Variants in P2RY8 observed in about 807,000 individuals in gnomAD.
P2RY8 encodes the protein P2Y receptor family member 8.
P2RY8 carries 6 observed loss-of-function variants against 10.0 expected under a neutral mutation model. The observed-to-expected ratio is 0.60, with a 90% CI of 0.33 to 1.19. The LOEUF (loss-of-function observed/expected upper bound fraction) is 1.19, where lower values mean the gene tolerates loss of function less well. Among genes scored for constraint, P2RY8 ranks in the 50% most tolerant of loss-of-function variants. P2RY8 has a pLI of 0.04. For synonymous variants in P2RY8, 276 were observed against 252.5 expected (o/e 1.09, Z -0.88); for missense variants, 456 against 542.0 (o/e 0.84, Z 1.58).
intron 1 of P2RY8, among the ~76,000 whole-genome samples, chrX:1,516,412 C>T (rs1231807888): frequency 6.6e-6 from 1 of 151,880 alleles, no homozygotes; most frequent in Non-Finnish European, 1.5e-5. Flanking sequence ...ACACCTGGAT[C>T]TCAGACTTCC....
chrX:1,512,051 G>T (rs1246781319), intron 1 of P2RY8, among the ~76,000 whole-genome samples: 1 of 151,974 alleles, frequency 6.6e-6, no homozygotes, highest in Non-Finnish European at 1.5e-5. Context: ...TGTAAGCAAA[G>T]AGAAGAGGCT....
At chrX:1,499,890 G>A (rs1222617997) in intron 1 of P2RY8, among the ~76,000 whole-genome samples, 7 of 151,536 alleles carry the variant, frequency 4.6e-5, no homozygotes, top group African/African-American at 1.5e-4. Flanking sequence ...ACGGAGTCTC[G>A]CTCTGTGGCC....
chrX:1,527,639 C>A (rs1401026546), intron 1 of P2RY8, among the ~76,000 whole-genome samples: 2 of 152,008 alleles, frequency 1.3e-5, no homozygotes, highest in Non-Finnish European at 2.9e-5. Context: ...CTCATTCATT[C>A]ATCCATCCAA....
At chrX:1,488,706 C>T (rs772276934) in intron 1 of P2RY8, among the ~76,000 whole-genome samples, 31 of 151,504 alleles carry the variant, frequency 2.0e-4, no homozygotes, top group Admixed American at 1.3e-3. Context: ...TAGAGCTGTG[C>T]ACCCAGGATG....
intron 1 of P2RY8, among the ~76,000 whole-genome samples, chrX:1,507,915 C>G (rs2092249993): frequency 6.6e-6 from 1 of 152,160 alleles, no homozygotes; most frequent in African/African-American, 2.4e-5. Flanking sequence ...GTCTGGCACT[C>G]AACACACACC....
intron 1 of P2RY8, among the ~76,000 whole-genome samples, chrX:1,516,869 C>T (rs1171727739): frequency 6.6e-6 from 1 of 151,580 alleles, no homozygotes; most frequent in African/African-American, 2.4e-5. Flanking sequence ...CCAGCCCTGC[C>T]CGTTCGCTGA....
At chrX:1,510,064 A>G (rs1183941191) in intron 1 of P2RY8, among the ~76,000 whole-genome samples, 3 of 151,766 alleles carry the variant, frequency 2.0e-5, no homozygotes, top group African/African-American at 7.3e-5. Context: ...CTATCTATCT[A>G]TCTCATCTAT....
chrX:1,479,451 T>G (rs1308056310), intron 1 of P2RY8, among the ~76,000 whole-genome samples: 1 of 152,218 alleles, frequency 6.6e-6, no homozygotes, highest in Admixed American at 6.5e-5. Context: ...ATCTGCTGAT[T>G]TGAAGGGTTT....
chrX:1,517,909 G>A (rs1374730022), intron 1 of P2RY8, among the ~76,000 whole-genome samples: 6 of 151,830 alleles, frequency 4.0e-5, no homozygotes, highest in Admixed American at 3.3e-4. Context: ...AGGAGTTCGA[G>A]ACCAGCCTGG....
At chrX:1,524,099 C>G (rs2092412051) in intron 1 of P2RY8, among the ~76,000 whole-genome samples, 1 of 152,154 alleles carries the variant, frequency 6.6e-6, no homozygotes, top group Non-Finnish European at 1.5e-5. Flanking sequence ...GTCTACACGT[C>G]TCCCCGTAAC....
chrX:1,535,216 C>T (rs1185105776), intron 1 of P2RY8, among the ~76,000 whole-genome samples: 2 of 98,570 alleles, frequency 2.0e-5, no homozygotes, highest in Admixed American at 1.6e-4. Context: ...GAGACAGAGT[C>T]TCACTCTGTC....
intron 1 of P2RY8, among the ~76,000 whole-genome samples, chrX:1,474,878 GTGGATGGA>G (rs1179994281): frequency 3.8e-5 from 5 of 133,194 alleles, no homozygotes; most frequent in African/African-American, 1.2e-4. Flanking sequence ...GTATGGGTGT[GTGGATGGA>G]TGGATGGATG....
At chrX:1,484,497 C>T (rs28461817) in intron 1 of P2RY8, among the ~76,000 whole-genome samples, 12,628 of 151,686 alleles carry the variant, frequency 0.083, 1,499 homozygotes, top group African/African-American at 0.27. Flanking sequence ...GAGGCTGAGG[C>T]GGGCGGATCA....
chrX:1,511,269 A>G (rs768971869), intron 1 of P2RY8, among the ~76,000 whole-genome samples: 1 of 152,340 alleles, frequency 6.6e-6, no homozygotes, highest in South Asian at 2.1e-4. Flanking sequence ...TCTACCCCCA[A>G]GTGAATGTGG....
intron 1 of P2RY8, among the ~76,000 whole-genome samples, chrX:1,502,035 T>C (rs762651878): frequency 9.9e-5 from 15 of 152,242 alleles, no homozygotes; most frequent in Admixed American, 7.8e-4. Context: ...CTCGGCCTCT[T>C]GAATATCTGG....
chrX:1,466,305 T>C lies in P2RY8; in HGVS notation c.254A>G (p.Asn85Ser), dbSNP rs1324032360. The change falls in exon 2 of 2, where the codon AAC becomes AGC. Residue 85 changes from asparagine (N) to serine (S), a missense_variant. Coordinates refer to ENST00000381297, the MANE Select transcript of P2RY8 (RefSeq NM_178129.5). ...VLPFQIYYHC[N>S]RHHWVFGVLL... ...CACCCCGAATACCCAGTGGTGGCGG[T>C]TGCAATGGTAGTAGATTTGGAAAGG... The C allele has an allele frequency of 1.2e-6, 2 of 1,613,442 alleles. No individual in the cohort carries two copies. The highest frequency in any genetic ancestry group is 1.7e-6 in the Non-Finnish European group (2 of 1,179,816).
At chrX:1,467,631 G>A (rs182458427) in intron 1 of P2RY8, among the ~76,000 whole-genome samples, 1 of 152,314 alleles carries the variant, frequency 6.6e-6, no homozygotes, top group African/African-American at 2.4e-5. Flanking sequence ...TTTTGAGAAT[G>A]TAAAGTGGAC....
At chrX:1,477,303 C>CATCTATCAATCA (rs373640347) in intron 1 of P2RY8, among the ~76,000 whole-genome samples, 8 of 152,122 alleles carry the variant, frequency 5.3e-5, no homozygotes, top group South Asian at 2.1e-4. Flanking sequence ...CTATATCAAT[C>CATCTATCAATCA]GTCTTGCAAC....
intron 1 of P2RY8, among the ~76,000 whole-genome samples, chrX:1,533,024 AACGAAAG>A (rs2092491717): frequency 8.3e-6 from 1 of 121,090 alleles, no homozygotes; most frequent in African/African-American, 2.9e-5. Context: ...AAAAAAAAAA[AACGAAAG>A]AAAGAAAAAA....
Sources: allele counts gnomAD v4.1 joint callset (sites outside exome capture counted in the v4.1 genomes callset), GRCh38; gene constraint gnomAD v4.1.1; transcripts MANE v1.5; gene names NCBI Gene and HGNC (gene_info 2026-07-23, HGNC 2026-07-21).